The following WARS2 variants were observed in gnomAD, a reference collection of about 807,000 sequenced individuals.
WARS2 encodes the protein tryptophanyl tRNA synthetase 2, mitochondrial.
In WARS2, 28 loss-of-function variants were observed where a neutral mutation model predicts 36.5. The observed-to-expected ratio is 0.77, with a 90% CI of 0.57 to 1.05. The LOEUF is 1.05. Ranked by LOEUF, WARS2 falls within the 50% of genes least tolerant of loss-of-function variation. WARS2 has a pLI of 0.00. For synonymous variants in WARS2, 174 were observed against 178.4 expected (o/e 0.98, Z 0.20); for missense variants, 435 against 456.8 (o/e 0.95, Z 0.44).
chr1:119,065,864 C>T (rs188343145), intron 2 of WARS2, among the ~76,000 whole-genome samples: 6 of 152,120 alleles, frequency 3.9e-5, no homozygotes, highest in Admixed American at 3.9e-4. Context: ...CATCATTATG[C>T]GTTAGACAGC....
intron 2 of WARS2, among the ~76,000 whole-genome samples, chr1:119,048,660 G>A (rs1210633314): frequency 1.3e-5 from 2 of 152,106 alleles, no homozygotes; most frequent in African/African-American, 2.4e-5. Context: ...CTCCACACGC[G>A]GACATGTGCC....
At chr1:119,065,461 G>A (rs532614066) in intron 2 of WARS2, among the ~76,000 whole-genome samples, 4 of 151,508 alleles carry the variant, frequency 2.6e-5, no homozygotes, top group Admixed American at 6.6e-5. Context: ...ACGAAACCCC[G>A]TCTCTACTAG....
At chr1:119,119,705 A>T (rs1452880691) in intron 1 of WARS2, among the ~76,000 whole-genome samples, 1 of 152,158 alleles carries the variant, frequency 6.6e-6, no homozygotes, top group Non-Finnish European at 1.5e-5. Flanking sequence ...AATTATATCA[A>T]GTACTCTCTC....
rs559048164 is a variant in WARS2, at chr1:119,058,045, G to C, written c.349-12383C>G. Reference sequence around the variant, plus strand: ...AAATCTTGGCCTATCCTAAAGGCCTGGAAAATTTTCCCCATATTTTCTTTC... The same window carrying C: ...AAATCTTGGCCTATCCTAAAGGCCTCGAAAATTTTCCCCATATTTTCTTTC... On this transcript the variant is annotated intron_variant, in intron 2 of 5. Transcript: ENST00000235521. 4.6e-5 allele frequency among the ~76,000 whole-genome samples: 7 copies of C among 152,170 alleles called. No individual in the cohort carries two copies. The South Asian group carries it at 1.5e-3, about 32-fold the overall frequency.
intron 2 of WARS2, among the ~76,000 whole-genome samples, chr1:119,075,578 T>A (rs1651666009): frequency 6.6e-6 from 1 of 152,224 alleles, no homozygotes; most frequent in Non-Finnish European, 1.5e-5. Context: ...GTTGCATATA[T>A]ACATGCATGT....
chr1:119,052,214 C>T (rs1032093503), intron 2 of WARS2, among the ~76,000 whole-genome samples: 1 of 152,108 alleles, frequency 6.6e-6, no homozygotes, highest in African/African-American at 2.4e-5. Flanking sequence ...AATTAGCTGG[C>T]TCAGTAAATC....
At chr1:119,085,851 C>T in intron 1 of WARS2, 1 of 1,610,540 alleles carries the variant, frequency 6.2e-7, no homozygotes, top group Admixed American at 1.7e-5. Flanking sequence ...GATCCAGGCA[C>T]TGTCCTTGTA....
chr1:119,120,082 G>A (rs890864722), intron 1 of WARS2, among the ~76,000 whole-genome samples: 3 of 151,954 alleles, frequency 2.0e-5, no homozygotes, highest in East Asian at 3.9e-4. Context: ...AAATGAAATT[G>A]AAACAAACAA....
chr1:119,074,339 G>T (rs940343125), intron 2 of WARS2, among the ~76,000 whole-genome samples: 3 of 152,166 alleles, frequency 2.0e-5, no homozygotes, highest in Non-Finnish European at 2.9e-5. Context: ...GATACAAATG[G>T]TACATAATAA....
chr1:119,101,474 T>C (rs1304797679), intron 1 of WARS2, among the ~76,000 whole-genome samples: 3 of 152,206 alleles, frequency 2.0e-5, no homozygotes, highest in African/African-American at 4.8e-5. Flanking sequence ...GTAAATGAGA[T>C]AATTTCATAA....
chr1:119,108,613 A>T (rs1036981056), intron 1 of WARS2, among the ~76,000 whole-genome samples: 2 of 151,714 alleles, frequency 1.3e-5, no homozygotes, highest in African/African-American at 4.8e-5. Flanking sequence ...TTTTATTACT[A>T]TTTTTTTGGG....
intron 2 of WARS2, among the ~76,000 whole-genome samples, chr1:119,050,494 T>C (rs1649250200): frequency 6.6e-6 from 1 of 152,208 alleles, no homozygotes; most frequent in Admixed American, 6.5e-5. Flanking sequence ...TTCACTAATA[T>C]ATCATGCTAT....
At chr1:119,133,505 G>C (rs1656253173) in intron 1 of WARS2, among the ~76,000 whole-genome samples, 1 of 152,150 alleles carries the variant, frequency 6.6e-6, no homozygotes, top group Admixed American at 6.5e-5. Flanking sequence ...TGTAACCTTA[G>C]GTTAGTTATT....
At chr1:119,046,007 T>C (rs886978191) in intron 2 of WARS2, among the ~76,000 whole-genome samples, 2 of 150,800 alleles carry the variant, frequency 1.3e-5, no homozygotes, top group East Asian at 1.9e-4. Context: ...ACACACACAC[T>C]CTCTCTCTCT....
intron 2 of WARS2, 40 bp downstream of exon 2, chr1:119,076,310 A>G (rs373207370): frequency 7.9e-5 from 127 of 1,607,958 alleles, no homozygotes; most frequent in Non-Finnish European, 1.0e-4. Flanking sequence ...CAAATAATCT[A>G]CACATAAGAG....
chr1:119,114,492 C>T (rs998612806), intron 1 of WARS2, among the ~76,000 whole-genome samples: 6 of 152,134 alleles, frequency 3.9e-5, no homozygotes, highest in Non-Finnish European at 8.8e-5. Flanking sequence ...GGAGTACTGA[C>T]AGTATCAGTT....
intron 1 of WARS2, among the ~76,000 whole-genome samples, chr1:119,122,254 A>G (rs1655372755): frequency 6.6e-6 from 1 of 152,238 alleles, no homozygotes; most frequent in African/African-American, 2.4e-5. Flanking sequence ...ACAATTCTCA[A>G]AAGAAGATAT....
intron 1 of WARS2, among the ~76,000 whole-genome samples, chr1:119,094,286 T>C (rs1653260849): frequency 6.6e-6 from 1 of 152,152 alleles, no homozygotes; most frequent in Non-Finnish European, 1.5e-5. Flanking sequence ...AAAAAAAATA[T>C]TGATTGTATA....
chr1:119,112,085 G>T (rs1488109096), intron 1 of WARS2, among the ~76,000 whole-genome samples: 1 of 151,998 alleles, frequency 6.6e-6, no homozygotes, highest in Non-Finnish European at 1.5e-5. Context: ...ACCATGCCTG[G>T]CTAATTTTGT....
Sources: gnomAD v4.1 joint callset for allele counts (sites outside exome capture counted in the v4.1 genomes callset) on GRCh38, gnomAD v4.1.1 for gene constraint, MANE v1.5 for transcripts, NCBI Gene and HGNC (gene_info 2026-07-23, HGNC 2026-07-21) for gene names.